The following SLC15A1 variants were observed in gnomAD, a reference collection of about 807,000 sequenced individuals.
The protein encoded by SLC15A1 is Caco-2 oligopeptide transporter.
SLC15A1 carries 83 observed loss-of-function variants against 92.9 expected under a neutral mutation model. The ratio of observed to expected loss-of-function variants is 0.89; its 90% CI spans 0.75 to 1.07. The LOEUF (loss-of-function observed/expected upper bound fraction) is 1.07. Among genes scored for constraint, SLC15A1 ranks in the 50% least tolerant of loss-of-function variants. The pLI, the probability that SLC15A1 is intolerant of heterozygous loss-of-function variation, is 0.00. For synonymous variants in SLC15A1, 322 were observed against 318.2 expected (o/e 1.01, Z -0.13); for missense variants, 857 against 880.1 (o/e 0.97, Z 0.33).
intron 5 of SLC15A1, among the ~76,000 whole-genome samples, chr13:98,722,243 T>C (rs2088266529): frequency 2.6e-5 from 4 of 152,228 alleles, no homozygotes; most frequent in Admixed American, 2.0e-4. Context: ...AATATAAGCA[T>C]TGTGCCTGGT....
chr13:98,738,157 TG>T (rs1346177069), intron 1 of SLC15A1, among the ~76,000 whole-genome samples: 1 of 152,110 alleles, frequency 6.6e-6, no homozygotes, highest in Non-Finnish European at 1.5e-5. Flanking sequence ...TGCTCATAGG[TG>T]GGAGCAAATA....
intron 1 of SLC15A1, among the ~76,000 whole-genome samples, chr13:98,739,890 G>T (rs529056154): frequency 2.7e-4 from 39 of 145,972 alleles, no homozygotes; most frequent in African/African-American, 9.7e-4. Flanking sequence ...ATTGAGTATG[G>T]ATGGACATTT....
chr13:98,729,006 A>AAAAAAAAAAAAAAAAG (rs2088326224), intron 1 of SLC15A1, among the ~76,000 whole-genome samples: 1 of 129,684 alleles, frequency 7.7e-6, no homozygotes, highest in African/African-American at 2.9e-5. Flanking sequence ...AAAAAAAAAA[A>AAAAAAAAAAAAAAAAG]CAACAAGCCC....
chr13:98,735,758 A>G (rs954240689), intron 1 of SLC15A1, among the ~76,000 whole-genome samples: 1 of 152,226 alleles, frequency 6.6e-6, no homozygotes, highest in Non-Finnish European at 1.5e-5. Context: ...CAAAGAGAAT[A>G]AAATACCTAG....
intron 1 of SLC15A1, among the ~76,000 whole-genome samples, chr13:98,728,989 A>AC (rs1390120366): frequency 2.1e-5 from 3 of 146,026 alleles, no homozygotes; most frequent in Non-Finnish European, 4.5e-5. Context: ...AAAAAAAAAA[A>AC]AAAAAAAAAA....
chr13:98,699,707 C>A (rs974038194), intron 18 of SLC15A1, among the ~76,000 whole-genome samples: 3 of 152,172 alleles, frequency 2.0e-5, no homozygotes, highest in Non-Finnish European at 4.4e-5. Flanking sequence ...TTCAGAGGGG[C>A]TACAGCATCT....
chr13:98,712,208 C>T (rs534965427), intron 10 of SLC15A1, among the ~76,000 whole-genome samples: 1 of 152,272 alleles, frequency 6.6e-6, no homozygotes, highest in South Asian at 2.1e-4. Context: ...GCCGTCACCA[C>T]CTCTTGACTC....
At chr13:98,725,340 T>C (rs2088289909) in intron 4 of SLC15A1, among the ~76,000 whole-genome samples, 1 of 152,204 alleles carries the variant, frequency 6.6e-6, no homozygotes, top group African/African-American at 2.4e-5. Context: ...CCTTCTTCAT[T>C]AAGTCCCAGG....
rs1159043010 is a variant in SLC15A1 at position 98,744,240 on chromosome 13, C to G, written c.4+8355G>C. Among the ~76,000 whole-genome samples the G allele has an allele frequency of 9.4e-5, 4 of 42,360 alleles. No individual in the cohort carries two copies. In the South Asian group the frequency reaches 2.6e-3, roughly 28 times the overall value. 27.8% of individuals were successfully genotyped at this position (42,360 alleles called of 152,430 possible). A position where few individuals can be genotyped will look rare whatever the true frequency, so the allele number is the denominator to read the frequency against. ...TAGGTGACAGAGTGAGACTCTGTCT[C>G]AAAAAAAAAAAAAAAAAAAAAAAGA... On this transcript the variant is annotated intron_variant, in intron 1 of 22. Coordinates refer to ENST00000376503, the MANE Select transcript of SLC15A1 (RefSeq NM_005073.4).
intron 15 of SLC15A1, among the ~76,000 whole-genome samples, chr13:98,706,607 G>C (rs570590870): frequency 6.6e-5 from 10 of 152,326 alleles, no homozygotes; most frequent in African/African-American, 2.4e-4. Flanking sequence ...CACAAGATCA[G>C]ATGGTTTTAT....
intron 1 of SLC15A1, among the ~76,000 whole-genome samples, chr13:98,751,703 C>T (rs945439502): frequency 1.3e-5 from 2 of 152,254 alleles, no homozygotes; most frequent in Admixed American, 1.3e-4. Context: ...AGCCAGAGGA[C>T]GGCTGCACCC....
chr13:98,738,144 C>T (rs2088409771), intron 1 of SLC15A1, among the ~76,000 whole-genome samples: 1 of 152,180 alleles, frequency 6.6e-6, no homozygotes, highest in Non-Finnish European at 1.5e-5. Context: ...TTCTAACAAC[C>T]TATGCTCATA....
chr13:98,748,656 A>C (rs899858052), intron 1 of SLC15A1, among the ~76,000 whole-genome samples: 1 of 152,052 alleles, frequency 6.6e-6, no homozygotes, highest in Non-Finnish European at 1.5e-5. Flanking sequence ...AATTTACCCA[A>C]TGCTTCATCA....
In SLC15A1 at chr13:98,743,633, G is replaced by A. The variant is rs2088466772; in HGVS notation, c.4+8962C>T. 2.0e-5 allele frequency among the ~76,000 whole-genome samples: 3 copies of A among 152,136 alleles called. No individual in the cohort carries two copies. In the South Asian group the frequency reaches 6.2e-4, roughly 31 times the overall value. On this transcript the variant is annotated intron_variant, in intron 1 of 22. Coordinates refer to ENST00000376503, the MANE Select transcript of SLC15A1 (RefSeq NM_005073.4). ...AGGAAAGATCTCAGGACAGTCCTAA[G>A]TCCTGCCTCAGGTAGAGGCCGGGTA...
chr13:98,725,996 C>T (rs1358988321), intron 4 of SLC15A1, 127 bp downstream of exon 4: 1 of 1,234,250 alleles, frequency 8.1e-7, no homozygotes, highest in Non-Finnish European at 1.1e-6. Flanking sequence ...ATGAACCATA[C>T]CACACCTGGC....
chr13:98,743,653 C>T (rs184142854), intron 1 of SLC15A1, among the ~76,000 whole-genome samples: 21 of 152,066 alleles, frequency 1.4e-4, no homozygotes, highest in African/African-American at 5.1e-4. Flanking sequence ...AGGTAGAGGC[C>T]GGGTAGTCAG....
rs768537060 is a variant in SLC15A1 at position 98,721,834 on chromosome 13, C to A, written c.435G>T (p.Ala145=). ...GTGGIKPCVS[A]FGGDQFEEGQ... ...CCTCTTCAAACTGATCTCCACCAAA[C>A]GCAGACACACAGGGTTTGATTCCTC... is the stretch of plus-strand genomic sequence containing the variant. The change falls in exon 6 of 23, where the codon GCG becomes GCT. Residue 145 remains alanine, a synonymous_variant. Transcript: ENST00000376503. 6.2e-7 allele frequency: 1 copy of A among 1,614,024 alleles called. No individual in the cohort carries two copies. Among genetic ancestry groups the A allele is most frequent in the Non-Finnish European group, 8.5e-7 (1 of 1,180,038 alleles).
chr13:98,721,541 A>C lies in SLC15A1; in HGVS notation c.510T>G (p.Ile170Met). 1.2e-6 allele frequency: 2 copies of C among 1,610,294 alleles called. No individual in the cohort carries two copies. The highest frequency in any genetic ancestry group is 1.7e-6 in the Non-Finnish European group (2 of 1,177,858). ...TTGTGGAAAGCAAACTTCCAGCATT[A>C]ATAGCCAAGTAAAAGATGGAAAAAA... ...NRFFSIFYLA[I>M]NAGSLLSTII... is the part of the protein sequence containing the mutation. The change falls in exon 7 of 23, where the codon ATT becomes ATG. Residue 170 changes from isoleucine (I) to methionine (M), a missense_variant. Ile to Met is a conservative substitution (Grantham distance 10). Transcript: ENST00000376503.
chr13:98,714,848 A>T (rs549582837), intron 9 of SLC15A1, among the ~76,000 whole-genome samples: 10 of 152,216 alleles, frequency 6.6e-5, no homozygotes, highest in South Asian at 6.2e-4. Flanking sequence ...TCACTAAAAA[A>T]ATGGGGAGTG....
Sources: gnomAD v4.1 joint callset for allele counts (sites outside exome capture counted in the v4.1 genomes callset) on GRCh38, gnomAD v4.1.1 for gene constraint, MANE v1.5 for transcripts, NCBI Gene and HGNC (gene_info 2026-07-23, HGNC 2026-07-21) for gene names.